Variants in ANKRD26 observed in about 807,000 individuals in gnomAD.
ANKRD26 encodes ankyrin repeat domain-containing protein 26.
A neutral mutation model predicts 208.7 loss-of-function variants in ANKRD26; 141 were observed. The observed-to-expected ratio is 0.68, with a 90% CI of 0.59 to 0.78. ANKRD26 has a LOEUF of 0.78. ANKRD26 is among the 30% of genes least tolerant of loss of function. The probability of loss-of-function intolerance (pLI) is 0.00; values close to 1 mark genes in which losing one functional copy is unlikely to be tolerated. For missense variants in ANKRD26, 1,889 were observed against 1,938.7 expected (o/e 0.97, Z 0.48); for synonymous variants, 636 against 660.4 (o/e 0.96, Z 0.57).
At chr10:27,096,617 A>C (rs12762717) in intron 1 of ANKRD26, among the ~76,000 whole-genome samples, 1 of 151,492 alleles carries the variant, frequency 6.6e-6, no homozygotes, top group African/African-American at 2.4e-5. Flanking sequence ...TACAAAAAAA[A>C]TAGCCAGGCA....
chr10:26,952,417 T>C, the ANKRD26 span, among the ~76,000 whole-genome samples: 1 of 152,210 alleles, frequency 6.6e-6, no homozygotes, highest in Non-Finnish European at 1.5e-5. Flanking sequence ...GCTTTATTGT[T>C]AAATATGCCC....
At chr10:26,984,135 C>A (rs2134634047) in intron 3 of ANKRD26, among the ~76,000 whole-genome samples, 1 of 152,314 alleles carries the variant, frequency 6.6e-6, no homozygotes, top group African/African-American at 2.4e-5. Flanking sequence ...TTAACTACTG[C>A]AAAGACACTA....
At chr10:27,090,050 C>T (rs1446984355) in intron 4 of ANKRD26, among the ~76,000 whole-genome samples, 1 of 152,148 alleles carries the variant, frequency 6.6e-6, no homozygotes, top group African/African-American at 2.4e-5. Context: ...TGTAGTCCAT[C>T]CCTAGACATA....
At chr10:27,008,754 T>G (rs1360019463) in intron 32 of ANKRD26, among the ~76,000 whole-genome samples, 1 of 152,182 alleles carries the variant, frequency 6.6e-6, no homozygotes, top group African/African-American at 2.4e-5. Flanking sequence ...TTAAAGGGTA[T>G]ATGGTATAAA....
intron 21 of ANKRD26, 103 bp downstream of exon 21, chr10:27,039,862 T>C (rs776265449): frequency 9.1e-7 from 1 of 1,096,204 alleles, no homozygotes; most frequent in Non-Finnish European, 1.4e-6. Context: ...ACTAAGAAGT[T>C]TTCTTCCCTG....
rs748339941 is a variant in ANKRD26 at position 27,077,558 on chromosome 10, TAA to T, written c.875-20_875-19del. 3.7e-6 allele frequency: 6 copies of T among 1,612,328 alleles called. No individual in the cohort carries two copies. In the South Asian group the frequency reaches 6.6e-5, roughly 18 times the overall value. ...TGCTTCTACTACAGTAAAAACAAAA[TAA>T]AGAGTAAATGAAAATATATGTAATT... On this transcript the variant is annotated intron_variant, in intron 8 of 33. Transcript: ENST00000376087.
intron 20 of ANKRD26, among the ~76,000 whole-genome samples, chr10:27,042,850 C>T (rs1589268114): frequency 7.7e-6 from 1 of 129,904 alleles, no homozygotes; most frequent in South Asian, 2.7e-4. Flanking sequence ...CCTATCATAT[C>T]AGCTACTCAG....
chr10:27,087,228 C>T (rs1472701839), intron 4 of ANKRD26, among the ~76,000 whole-genome samples: 1 of 152,170 alleles, frequency 6.6e-6, no homozygotes, highest in East Asian at 1.9e-4. Context: ...TAACCAACAG[C>T]TATTTGTTCT....
intron 4 of ANKRD26, among the ~76,000 whole-genome samples, chr10:26,997,665 G>C (rs1338304420): frequency 1.3e-5 from 2 of 152,188 alleles, no homozygotes; most frequent in African/African-American, 4.8e-5. Flanking sequence ...CATGTCCGGG[G>C]TCCAGGGTCT....
At chr10:26,957,278 T>C in the ANKRD26 span, among the ~76,000 whole-genome samples, 1 of 152,036 alleles carries the variant, frequency 6.6e-6, no homozygotes, top group Non-Finnish European at 1.5e-5. Flanking sequence ...GTCCCAGCCA[T>C]TTGGGTGGCT....
chr10:27,069,159 C>A (rs895032459), intron 9 of ANKRD26, among the ~76,000 whole-genome samples: 1 of 129,198 alleles, frequency 7.7e-6, no homozygotes, highest in Non-Finnish European at 1.5e-5. Context: ...GACGCCATTG[C>A]GCTCTGACCT....
At chr10:27,070,101 TAA>T (rs34493349) in intron 9 of ANKRD26, among the ~76,000 whole-genome samples, 1,310 of 109,044 alleles carry the variant, frequency 0.012, 16 homozygotes, top group African/African-American at 0.043. Flanking sequence ...ACTCTGTATT[TAA>T]AAAAAAAAAA....
chr10:26,956,575 T>C, the ANKRD26 span, among the ~76,000 whole-genome samples: 6 of 151,996 alleles, frequency 3.9e-5, no homozygotes, highest in African/African-American at 4.8e-5. Context: ...AAGGCTGCAG[T>C]GAGCCATGAT....
chr10:27,049,611 T>C (rs1213073944), intron 16 of ANKRD26, among the ~76,000 whole-genome samples: 1 of 152,124 alleles, frequency 6.6e-6, no homozygotes, highest in African/African-American at 2.4e-5. Flanking sequence ...CTTCCCGAAT[T>C]TCACATTCAA....
intron 4 of ANKRD26, among the ~76,000 whole-genome samples, chr10:27,089,911 C>A (rs920302319): frequency 6.6e-5 from 10 of 152,110 alleles, no homozygotes; most frequent in Non-Finnish European, 1.5e-4. Flanking sequence ...ATTACCTGAC[C>A]CAAACTATGA....
chr10:27,076,615 A>G (rs73596346), intron 9 of ANKRD26, among the ~76,000 whole-genome samples: 7,045 of 152,138 alleles, frequency 0.046, 191 homozygotes, highest in African/African-American at 0.074. Flanking sequence ...ACATTAACTA[A>G]GAAAAGAGAG....
Position 27,071,159 on chromosome 10 carries a change from AT to A in ANKRD26, c.1078-3874del, listed in dbSNP as rs71386906. Among the ~76,000 whole-genome samples the A allele has an allele frequency of 6.3e-3, 537 of 85,838 alleles. 1 individual carries two copies. Among genetic ancestry groups the A allele is most frequent in the African/African-American group, 0.019 (363 of 19,610 alleles). 56.3% of individuals were successfully genotyped at this position (85,838 alleles called of 152,430 possible). A position where few individuals can be genotyped will look rare whatever the true frequency, so the allele number is the denominator to read the frequency against. On this transcript the variant is annotated intron_variant, in intron 9 of 33. Transcript: ENST00000376087. ...GCAGAAATAAACAATTGCTACATTC[AT>A]TTTTTTTTTTTTTTTTTTTTTTTGA...
At chr10:26,976,782 A>G (rs1369880798) in intron 5 of ANKRD26, among the ~76,000 whole-genome samples, 1 of 152,154 alleles carries the variant, frequency 6.6e-6, no homozygotes, top group Non-Finnish European at 1.5e-5. Flanking sequence ...CTTCATGTGC[A>G]TGTTCATTCT....
At chr10:27,071,327 G>A (rs962512365) in intron 9 of ANKRD26, among the ~76,000 whole-genome samples, 57 of 150,868 alleles carry the variant, frequency 3.8e-4, no homozygotes, top group African/African-American at 1.2e-3. Context: ...CACCAAGCCC[G>A]GCTAATTTTT....
Sources: allele counts gnomAD v4.1 joint callset (sites outside exome capture counted in the v4.1 genomes callset), GRCh38; gene constraint gnomAD v4.1.1; transcripts MANE v1.5; gene names NCBI Gene and HGNC (gene_info 2026-07-23, HGNC 2026-07-21).